The following SRGAP3 variants were observed in gnomAD, a reference collection of about 807,000 sequenced individuals.
SRGAP3 encodes SLIT-ROBO Rho GTPase activating protein 3, also known as SLIT-ROBO Rho GTPase-activating protein 3.
In SRGAP3, 39 loss-of-function variants were observed where a neutral mutation model predicts 121.1. The ratio of observed to expected loss-of-function variants is 0.32; its 90% CI spans 0.25 to 0.42. The LOEUF is 0.42. SRGAP3 is among the 10% of genes least tolerant of loss of function. SRGAP3 has a pLI of 1.00. For missense variants in SRGAP3, 1,213 were observed against 1,470.6 expected, an observed-to-expected ratio of 0.82 and a Z score of 2.86; for synonymous variants, 601 against 570.0, an observed-to-expected ratio of 1.05 and a Z score of -0.77.
At chr3:9,032,827 A>G (rs1471143975) in intron 11 of SRGAP3, 75 bp from the exon 12 acceptor site, 41 of 1,334,250 alleles carry the variant, frequency 3.1e-5, no homozygotes, top group South Asian at 4.7e-5. Context: ...TGCTCTTAAA[A>G]CCCACGACTA....
chr3:9,353,625 T>C (rs2030319061), intron 1 of SRGAP3, among the ~76,000 whole-genome samples: 1 of 152,258 alleles, frequency 6.6e-6, no homozygotes, highest in Non-Finnish European at 1.5e-5. Flanking sequence ...TAAATAAGCC[T>C]CTGCTTGCTT....
chr3:9,053,494 G>A (rs965132645), intron 8 of SRGAP3, among the ~76,000 whole-genome samples: 3 of 152,348 alleles, frequency 2.0e-5, no homozygotes, highest in Non-Finnish European at 4.4e-5. Flanking sequence ...CTTGAGGAAT[G>A]TTGCAACAAA....
At chr3:9,116,992 A>T (rs1404782112) in intron 2 of SRGAP3, among the ~76,000 whole-genome samples, 2 of 152,210 alleles carry the variant, frequency 1.3e-5, no homozygotes, top group Non-Finnish European at 2.9e-5. Context: ...GGTGCTTGGA[A>T]GAGTAAACGA....
intron 14 of SRGAP3, among the ~76,000 whole-genome samples, chr3:9,017,832 A>G (rs1371583547): frequency 1.3e-5 from 2 of 152,214 alleles, no homozygotes; most frequent in South Asian, 2.1e-4. Flanking sequence ...ATCACCTTGA[A>G]TATCTGTCAT....
intron 3 of SRGAP3, among the ~76,000 whole-genome samples, chr3:9,291,799 C>T (rs577993207): frequency 6.6e-6 from 1 of 152,178 alleles, no homozygotes; most frequent in Non-Finnish European, 1.5e-5. Flanking sequence ...ATAGTTTATA[C>T]CCTTTCAGCA....
chr3:9,195,549 T>C (rs1951889628), intron 1 of SRGAP3, among the ~76,000 whole-genome samples: 2 of 152,204 alleles, frequency 1.3e-5, no homozygotes, highest in African/African-American at 4.8e-5. Context: ...ACTTCCTCCC[T>C]CAGCTCCTCC....
intron 15 of SRGAP3, among the ~76,000 whole-genome samples, chr3:9,015,130 G>A (rs144318938): frequency 1.3e-5 from 2 of 152,150 alleles, no homozygotes; most frequent in East Asian, 1.9e-4. Flanking sequence ...GACCTTCCAC[G>A]TCTCCCCATC....
Position 9,015,789 on chromosome 3 carries a change from G to A in SRGAP3, c.1679-58C>T, listed in dbSNP as rs572299999. The A allele has an allele frequency of 9.3e-6, 15 of 1,606,692 alleles. No individual in the cohort carries two copies. The African/African-American group carries it at 1.3e-4, about 14-fold the overall frequency. On this transcript the variant is annotated intron_variant, in intron 14 of 21. Coordinates refer to ENST00000383836, the MANE Select transcript of SRGAP3 (RefSeq NM_014850.4). The stretch of plus-strand genomic sequence containing the variant: ...AGCTTGGGAAGGAGTCAGAGAACGT[G>A]CAGATGGCCGAAGAGATGACCTGGT...
At chr3:9,110,548 C>T (rs1028352462) in intron 2 of SRGAP3, among the ~76,000 whole-genome samples, 1 of 152,210 alleles carries the variant, frequency 6.6e-6, no homozygotes, top group Admixed American at 6.5e-5. Context: ...GCCGCGGTGG[C>T]GCCTCCCCTC....
chr3:8,980,648 C>T lies in SRGAP3; in HGVS notation c.*4871G>A. 4.3e-6 allele frequency: 1 copy of T among 231,004 alleles called. No individual in the cohort carries two copies. The highest frequency in any genetic ancestry group is 8.6e-6 in the Non-Finnish European group (1 of 116,408). The allele number at this position is 231,004 out of a possible 1,614,324, so 14.3% of individuals were successfully genotyped here. A position where few individuals can be genotyped will look rare whatever the true frequency, so the allele number is the denominator to read the frequency against. ...GATAGCTCCACGTCAAACCAGCAGG[C>T]ACCATCAGAATACGCGACAGAGGAT... On this transcript the variant is annotated 3_prime_UTR_variant, in exon 22 of 22. Transcript: ENST00000383836.
chr3:8,994,437 G>A lies in SRGAP3; in HGVS notation c.2314C>T (p.Leu772Phe). 1.2e-6 allele frequency: 2 copies of A among 1,614,226 alleles called. No individual in the cohort carries two copies. Among genetic ancestry groups the A allele is most frequent in the South Asian group, 2.2e-5 (2 of 91,090 alleles). Residue 772 changes from leucine (L) to phenylalanine (F), a missense_variant, in exon 19 of 22, where the codon CTC becomes TTC. Around this residue, in one of 2 missense-constraint regions of SRGAP3, gnomAD observed 793 missense variants for 1,032.9 expected, o/e 0.77. Transcript: ENST00000383836. ...ELSFKKGASLLLYHRASEDWW... is the reference protein window; with the variant it reads ...ELSFKKGASLFLYHRASEDWW... ...TCCTCCGAGGCGCGGTGGTACAGGA[G>A]CAGCGAGGCCCCCTTCTTGAAGGAT...
chr3:9,001,898 C>G (rs1025169389), intron 18 of SRGAP3, among the ~76,000 whole-genome samples: 3 of 152,010 alleles, frequency 2.0e-5, no homozygotes. Flanking sequence ...AATAAAAGAG[C>G]AGCAAAATAC....
intron 4 of SRGAP3, among the ~76,000 whole-genome samples, chr3:9,066,500 C>G (rs1448414297): frequency 2.6e-5 from 4 of 152,054 alleles, no homozygotes; most frequent in African/African-American, 9.7e-5. Flanking sequence ...AATTCTGTGA[C>G]TTTATTTTTT....
At chr3:9,033,204 C>G (rs188306311) in intron 11 of SRGAP3, among the ~76,000 whole-genome samples, 1 of 152,258 alleles carries the variant, frequency 6.6e-6, no homozygotes, top group African/African-American at 2.4e-5. Context: ...CCCAATGTAC[C>G]AGGGCACTGA....
intron 3 of SRGAP3, among the ~76,000 whole-genome samples, chr3:9,082,515 A>G: frequency 6.6e-6 from 1 of 152,198 alleles, no homozygotes; most frequent in African/African-American, 2.4e-5. Context: ...TGAGAAATAC[A>G]TTTCTGTTGT....
chr3:9,202,591 T>A (rs1036866445), intron 1 of SRGAP3, among the ~76,000 whole-genome samples: 1 of 152,194 alleles, frequency 6.6e-6, no homozygotes, highest in African/African-American at 2.4e-5. Flanking sequence ...GACCTCCACA[T>A]GGAAACTGCC....
upstream of SRGAP3, among the ~76,000 whole-genome samples, chr3:9,254,033 G>T (rs1358452313): frequency 1.3e-5 from 2 of 152,140 alleles, no homozygotes; most frequent in African/African-American, 2.4e-5. Flanking sequence ...ACAAAATTCT[G>T]CTTGACAAAA....
chr3:9,043,505 G>C (rs746761532), intron 10 of SRGAP3, among the ~76,000 whole-genome samples: 6 of 152,010 alleles, frequency 3.9e-5, no homozygotes, highest in African/African-American at 1.2e-4. Context: ...ATGTGGAGTG[G>C]AATGTCAGAA....
At chr3:9,014,009 T>G (rs958515955) in intron 15 of SRGAP3, 167 bp from the exon 16 acceptor site, 8 of 695,682 alleles carry the variant, frequency 1.1e-5, no homozygotes, top group Non-Finnish European at 2.1e-5. Context: ...AGAGCATCCA[T>G]CTCCCTAGCT....
Sources: gnomAD v4.1 joint callset for allele counts (sites outside exome capture counted in the v4.1 genomes callset) on GRCh38, gnomAD v4.1.1 for gene constraint, gnomAD v4.1.1 regional missense constraint, MANE v1.5 for transcripts, NCBI Gene and HGNC (gene_info 2026-07-23, HGNC 2026-07-21) for gene names.